The following RSRC1 variants were observed in gnomAD, a reference collection of about 807,000 sequenced individuals.
RSRC1 encodes serine/Arginine-related protein 53.
RSRC1 carries 39 observed loss-of-function variants against 49.1 expected under a neutral mutation model. That is an observed-to-expected ratio of 0.79 (90% confidence interval 0.61 to 1.04). RSRC1 has a LOEUF of 1.04. RSRC1 is among the 50% of genes least tolerant of loss of function. The pLI, the probability that RSRC1 is intolerant of heterozygous loss-of-function variation, is 0.00. For synonymous variants in RSRC1, 143 were observed against 130.8 expected (o/e 1.09, Z -0.63); for missense variants, 388 against 402.4 (o/e 0.96, Z 0.31).
chr3:158,535,828 G>C (rs1194487268), intron 7 of RSRC1, among the ~76,000 whole-genome samples: 2 of 151,228 alleles, frequency 1.3e-5, no homozygotes, highest in Non-Finnish European at 3.0e-5. Context: ...GGTCACCTTT[G>C]GACCAAAATT....
In RSRC1 at chr3:158,151,689, A is replaced by G. The variant is rs1450014060; in HGVS notation, c.320+27698A>G. ...GAACCAGTATTCTTAAAATCTAGTG[A>G]GAAAACATATATGAACATGATTATG... On this transcript the variant is annotated intron_variant, in intron 3 of 9. Transcript: ENST00000611884. 2.0e-5 allele frequency among the ~76,000 whole-genome samples: 3 copies of G among 152,300 alleles called. No individual in the cohort carries two copies. In the South Asian group the frequency reaches 6.2e-4, roughly 32 times the overall value.
At chr3:158,323,433 C>T (rs1456225798) in intron 5 of RSRC1, among the ~76,000 whole-genome samples, 1 of 152,108 alleles carries the variant, frequency 6.6e-6, no homozygotes, top group Admixed American at 6.6e-5. Context: ...TCCCGGACTT[C>T]CAATCTTCAT....
At chr3:158,173,230 A>G (rs1559928850) in intron 3 of RSRC1, among the ~76,000 whole-genome samples, 1 of 152,002 alleles carries the variant, frequency 6.6e-6, no homozygotes, top group Non-Finnish European at 1.5e-5. Context: ...ATATATTTAT[A>G]AAACAATCAT....
intron 6 of RSRC1, among the ~76,000 whole-genome samples, chr3:158,438,821 G>A (rs1182083532): frequency 6.6e-6 from 1 of 152,104 alleles, no homozygotes; most frequent in Non-Finnish European, 1.5e-5. Flanking sequence ...TGACAAATGG[G>A]ATCTAATTAA....
chr3:158,520,280 C>T lies in RSRC1; in HGVS notation c.653-16812C>T, dbSNP rs376898241. Among the ~76,000 whole-genome samples, 112 of 152,236 alleles carry T rather than the reference C, an allele frequency of 7.4e-4. 2 individuals are homozygous for T. The South Asian group carries it at 0.022, about 30-fold the overall frequency. ...GGTTTTCTTAAAGCTTACAGCTTCA[C>T]AGTGTCTCTGACTAGACAGACACAA... On this transcript the variant is annotated intron_variant, in intron 7 of 9. Transcript: ENST00000611884.
chr3:158,478,348 C>T (rs1738472415), intron 7 of RSRC1, among the ~76,000 whole-genome samples: 1 of 151,560 alleles, frequency 6.6e-6, no homozygotes, highest in Non-Finnish European at 1.5e-5. Context: ...ATCTAACCTA[C>T]ATCTATAAAC....
At chr3:158,169,342 G>T (rs1718730029) in intron 3 of RSRC1, among the ~76,000 whole-genome samples, 1 of 152,068 alleles carries the variant, frequency 6.6e-6, no homozygotes, top group African/African-American at 2.4e-5. Flanking sequence ...AAATATTAAT[G>T]ACTCCTGCTA....
chr3:158,451,473 T>C (rs1307026381), intron 6 of RSRC1, among the ~76,000 whole-genome samples: 2 of 152,034 alleles, frequency 1.3e-5, no homozygotes, highest in African/African-American at 4.8e-5. Flanking sequence ...CAGACACTTA[T>C]TATTGCTCTT....
intron 4 of RSRC1, among the ~76,000 whole-genome samples, chr3:158,261,957 C>T (rs1724919105): frequency 6.6e-6 from 1 of 152,176 alleles, no homozygotes; most frequent in Non-Finnish European, 1.5e-5. Flanking sequence ...ACCGTATCTT[C>T]TGCCACTCTG....
At chr3:158,161,771 T>C (rs1406883307) in intron 3 of RSRC1, among the ~76,000 whole-genome samples, 1 of 151,778 alleles carries the variant, frequency 6.6e-6, no homozygotes, top group Non-Finnish European at 1.5e-5. Flanking sequence ...CAAAAATACA[T>C]ACATACATAC....
chr3:158,187,784 T>C (rs553214234), intron 3 of RSRC1, among the ~76,000 whole-genome samples: 2 of 152,042 alleles, frequency 1.3e-5, no homozygotes, highest in East Asian at 1.9e-4. Context: ...GTTTATATTT[T>C]CCCCCCAAAA....
chr3:158,461,509 A>G (rs769950891), intron 7 of RSRC1, among the ~76,000 whole-genome samples: 8 of 151,918 alleles, frequency 5.3e-5, no homozygotes, highest in African/African-American at 9.7e-5. Flanking sequence ...AATATTATCT[A>G]AACAAATCTA....
At chr3:158,194,743 G>A (rs956299491) in intron 3 of RSRC1, among the ~76,000 whole-genome samples, 2 of 147,352 alleles carry the variant, frequency 1.4e-5, no homozygotes, top group Admixed American at 1.4e-4. Context: ...AAGAACATGT[G>A]CTGTTTGGTT....
intron 1 of RSRC1, among the ~76,000 whole-genome samples, chr3:158,111,316 G>A (rs186017976): frequency 1.3e-5 from 2 of 152,268 alleles, no homozygotes; most frequent in Admixed American, 1.3e-4. Context: ...TCAATAAGAG[G>A]GCTAAAAATG....
chr3:158,110,953 C>A (rs1402636442), intron 1 of RSRC1, among the ~76,000 whole-genome samples: 1 of 152,142 alleles, frequency 6.6e-6, no homozygotes, highest in Non-Finnish European at 1.5e-5. Context: ...GGTTGTGTAT[C>A]TTTAAATGCA....
chr3:158,437,007 C>A (rs184365439), intron 6 of RSRC1, among the ~76,000 whole-genome samples: 2 of 140,288 alleles, frequency 1.4e-5, no homozygotes, highest in Admixed American at 7.3e-5. Flanking sequence ...AATATCTCTG[C>A]TATAATACCT....
intron 7 of RSRC1, among the ~76,000 whole-genome samples, chr3:158,490,678 C>T (rs1739049555): frequency 6.6e-6 from 1 of 152,062 alleles, no homozygotes; most frequent in African/African-American, 2.4e-5. Flanking sequence ...AATGTATTTA[C>T]TTGGATATGG....
At position 158,539,502 on chromosome 3, in the gene RSRC1, C is replaced by A. The variant is rs1712913299; in HGVS notation, c.759+2304C>A. Among the ~76,000 whole-genome samples the A allele has an allele frequency of 6.6e-6, 1 of 152,070 alleles. No individual in the cohort carries two copies. Among genetic ancestry groups the A allele is most frequent in the African/African-American group, 2.4e-5 (1 of 41,430 alleles). On this transcript the variant is annotated intron_variant, in intron 8 of 9. Transcript: ENST00000611884. This position sits in a 1 kb window ranked among gnomAD's most constrained non-coding sequence, Gnocchi z 4.1. The stretch of plus-strand genomic sequence containing the variant: ...TTATTCAACCCTAATGTTGTTGTAT[C>A]TGGCAGATACCCACCTGTGTTCAAA...
At chr3:158,307,139 T>G (rs1559985675) in intron 5 of RSRC1, among the ~76,000 whole-genome samples, 1 of 150,902 alleles carries the variant, frequency 6.6e-6, no homozygotes, top group Non-Finnish European at 1.5e-5. Context: ...CAGGTTTGTT[T>G]GTTTTTTTTA....
Sources: allele counts gnomAD v4.1 joint callset (sites outside exome capture counted in the v4.1 genomes callset), GRCh38; gene constraint gnomAD v4.1.1; non-coding constraint Gnocchi (gnomAD v3.1); transcripts MANE v1.5; gene names NCBI Gene and HGNC (gene_info 2026-07-23, HGNC 2026-07-21).